Variants in IFT88 observed in about 807,000 individuals in gnomAD.
IFT88 encodes intraflagellar transport 88.
A neutral mutation model predicts 119.5 loss-of-function variants in IFT88; 74 were observed. The observed-to-expected ratio is 0.62, with a 90% CI of 0.51 to 0.75. IFT88 has a LOEUF of 0.75. Ranked by LOEUF, IFT88 falls within the 30% of genes least tolerant of loss-of-function variation. The pLI, the probability that IFT88 is intolerant of heterozygous loss-of-function variation, is 0.00. For synonymous variants in IFT88, 279 were observed against 316.7 expected (o/e 0.88, Z 1.26); for missense variants, 961 against 977.7 (o/e 0.98, Z 0.23).
chr13:20,581,482 C>T (rs1223075429), intron 2 of IFT88, among the ~76,000 whole-genome samples: 1 of 151,988 alleles, frequency 6.6e-6, no homozygotes, highest in Non-Finnish European at 1.5e-5. Flanking sequence ...TGAAGGTTAC[C>T]TTTGGATTTA....
chr13:20,691,074 C>G lies in IFT88; in HGVS notation c.2374C>G (p.Leu792Val), dbSNP rs2058425870. Residue 792 changes from leucine to valine, a missense_variant, in exon 26 of 26, where the codon CTT becomes GTT. By Grantham distance (32) the Leu-to-Val change is conservative (BLOSUM62 1). Coordinates refer to ENST00000351808, the MANE Select transcript of IFT88 (RefSeq NM_006531.5). ...CCTAGATGCCTCCTATGTGGACCCA[C>G]TTGGCCCTCAAATAGAACGACCAAA... ...KEIDASYVDPLGPQIERPKTA... is the reference protein window; with the variant it reads ...KEIDASYVDPVGPQIERPKTA... 6.2e-7 allele frequency: 1 copy of G among 1,613,910 alleles called. No individual in the cohort carries two copies. Among genetic ancestry groups the G allele is most frequent in the African/African-American group, 1.3e-5 (1 of 74,908 alleles).
At chr13:20,656,147 A>G (rs538838762) in intron 21 of IFT88, among the ~76,000 whole-genome samples, 2 of 117,904 alleles carry the variant, frequency 1.7e-5, no homozygotes, top group Admixed American at 1.8e-4. Context: ...GGAAGAAGCT[A>G]AATTTCAGCT....
intron 24 of IFT88, among the ~76,000 whole-genome samples, chr13:20,676,998 T>C (rs1467251683): frequency 1.3e-5 from 2 of 152,210 alleles, no homozygotes; most frequent in African/African-American, 4.8e-5. Context: ...TGCTGTTTTA[T>C]CTACAGATAA....
At chr13:20,629,005 A>T (rs76905028) in intron 15 of IFT88, among the ~76,000 whole-genome samples, 2,738 of 151,548 alleles carry the variant, frequency 0.018, 78 homozygotes, top group African/African-American at 0.063. Flanking sequence ...TCCTTTTTTT[A>T]AAAAAAAATT....
rs372854211 is a variant in IFT88 at position 20,651,195 on chromosome 13, A to G, written c.1950-2681A>G. Among the ~76,000 whole-genome samples, 85 of 151,916 alleles carry G rather than the reference A, an allele frequency of 5.6e-4. 1 individual carries two copies. In the South Asian group the frequency reaches 0.016, roughly 29 times the overall value. On this transcript the variant is annotated intron_variant, in intron 20 of 25. Coordinates refer to ENST00000351808, the MANE Select transcript of IFT88 (RefSeq NM_006531.5). ...CATGAATATTAGGGTGAATTTTCCT[A>G]TTTTTGCAAAAACACCATTGGGATT...
intron 2 of IFT88, among the ~76,000 whole-genome samples, chr13:20,582,153 G>A (rs146604943): frequency 1.5e-3 from 224 of 152,242 alleles, no homozygotes; most frequent in African/African-American, 5.2e-3. Flanking sequence ...TAGAGAAGGG[G>A]AAGTAGGAAA....
At chr13:20,572,631 T>C (rs2036601749) in intron 1 of IFT88, among the ~76,000 whole-genome samples, 1 of 152,222 alleles carries the variant, frequency 6.6e-6, no homozygotes, top group Non-Finnish European at 1.5e-5. Flanking sequence ...GTTCTTACTT[T>C]TGAGGTAAAA....
chr13:20,678,550 G>T (rs10870741), intron 24 of IFT88, among the ~76,000 whole-genome samples: 2 of 152,250 alleles, frequency 1.3e-5, no homozygotes, highest in African/African-American at 4.8e-5. Flanking sequence ...CAGGCTGCTC[G>T]TGCTATTGTT....
At chr13:20,608,155 G>T in intron 13 of IFT88, 1 of 412,202 alleles carries the variant, frequency 2.4e-6, no homozygotes, top group Middle Eastern at 4.1e-4. Flanking sequence ...ATGACTTGTA[G>T]AGTCCAGAGG....
In IFT88 at chr13:20,582,990, G is replaced by C; in HGVS notation, c.124G>C (p.Val42Leu). Residue 42 changes from valine (V) to leucine (L), a missense_variant, in exon 3 of 26, where the codon GTG becomes CTG. Physicochemically the swap from Val to Leu is conservative, Grantham distance 32. Coordinates refer to ENST00000351808, the MANE Select transcript of IFT88 (RefSeq NM_006531.5). Reference protein sequence around the residue: ...LENDAAFQQAVRTSHGRRPPI... With the variant: ...LENDAAFQQALRTSHGRRPPI... ...GAATGATGCAGCTTTTCAGCAAGCT[G>C]TGAGGACTAGTCATGGCAGAAGACC... 6.2e-7 allele frequency: 1 copy of C among 1,612,506 alleles called. No homozygotes were observed. Among genetic ancestry groups the C allele is most frequent in the Non-Finnish European group, 8.5e-7 (1 of 1,179,136 alleles).
intron 17 of IFT88, 50 bp downstream of exon 17, chr13:20,638,568 ATTTGTT>A (rs1235797642): frequency 1.2e-5 from 16 of 1,290,186 alleles, no homozygotes; most frequent in Non-Finnish European, 1.5e-5. Flanking sequence ...TTTGCTTTGT[ATTTGTT>A]TTTGTTTTGT....
intron 14 of IFT88, among the ~76,000 whole-genome samples, 185 bp from the exon 15 acceptor site, chr13:20,625,565 A>G (rs1475577116): frequency 6.6e-6 from 1 of 152,222 alleles, no homozygotes; most frequent in Non-Finnish European, 1.5e-5. Flanking sequence ...AAATTGGATA[A>G]GAAAAGTAAT....
At chr13:20,676,086 T>C (rs9509329) in intron 24 of IFT88, among the ~76,000 whole-genome samples, 101,003 of 152,066 alleles carry the variant, frequency 0.66, 35,478 homozygotes, top group East Asian at 1. Context: ...TCACCCACCT[T>C]ACTAAGTCAA....
At chr13:20,682,324 C>T (rs545110736) in intron 24 of IFT88, among the ~76,000 whole-genome samples, 17 of 152,304 alleles carry the variant, frequency 1.1e-4, no homozygotes, top group Middle Eastern at 3.4e-3. Context: ...TGGATCTATT[C>T]TATTTATTTG....
chr13:20,635,386 A>C (rs2140183537), intron 16 of IFT88, among the ~76,000 whole-genome samples: 1 of 152,314 alleles, frequency 6.6e-6, no homozygotes, highest in Non-Finnish European at 1.5e-5. Flanking sequence ...TAACTGTAAG[A>C]CACTCATCCC....
At chr13:20,584,843 C>A (rs963611650) in intron 3 of IFT88, among the ~76,000 whole-genome samples, 5 of 152,188 alleles carry the variant, frequency 3.3e-5, no homozygotes, top group Non-Finnish European at 7.3e-5. Context: ...TGTGCCCCCC[C>A]ACCAGGGACA....
intron 24 of IFT88, among the ~76,000 whole-genome samples, chr13:20,689,283 A>G (rs979858486): frequency 7.2e-5 from 11 of 152,194 alleles, no homozygotes; most frequent in African/African-American, 2.7e-4. Context: ...TGAATCTTTC[A>G]GGCTAGGAAT....
In IFT88 at chr13:20,681,611, G is replaced by A. The variant is rs182040844; in HGVS notation, c.2243-9094G>A. On this transcript the variant is annotated intron_variant, in intron 24 of 25. Transcript: ENST00000351808. ...TTGATTCCTTGGAGTCAAAAGTCCT[G>A]GAAGAGTTGTATGAGCTCCAATATG... Among the ~76,000 whole-genome samples the A allele has an allele frequency of 2.5e-3, 378 of 152,328 alleles. 4 individuals are homozygous for A. Among genetic ancestry groups the A allele is most frequent in the African/African-American group, 8.1e-3 (335 of 41,574 alleles).
At position 20,691,232 on chromosome 13, in the gene IFT88, T is replaced by C. The variant is rs896191164; in HGVS notation, c.*57T>C. 3.4e-6 allele frequency: 5 copies of C among 1,485,942 alleles called. No individual in the cohort carries two copies. The highest frequency in any genetic ancestry group is 2.8e-6 in the Non-Finnish European group (3 of 1,089,252). The allele number at this position is 1,485,942 out of a possible 1,614,324, so 92.0% of individuals were successfully genotyped here. A position where few individuals can be genotyped will look rare whatever the true frequency, so the allele number is the denominator to read the frequency against. ...ATTGCCTTATGAGATCATCCTCATG[T>C]TAAACCTTGGATTAAATATCTAACC... is the stretch of plus-strand genomic sequence containing the variant. On this transcript the variant is annotated 3_prime_UTR_variant, in exon 26 of 26. Transcript: ENST00000351808.
Sources: gnomAD v4.1 joint callset for allele counts (sites outside exome capture counted in the v4.1 genomes callset) on GRCh38, gnomAD v4.1.1 for gene constraint, MANE v1.5 for transcripts, NCBI Gene and HGNC (gene_info 2026-07-23, HGNC 2026-07-21) for gene names.